Variants in DENND1A observed in about 807,000 individuals in gnomAD.
The protein encoded by DENND1A is DENN domain containing 1A.
A neutral mutation model predicts 113.7 loss-of-function variants in DENND1A; 51 were observed. The observed-to-expected ratio is 0.45, with a 90% CI of 0.36 to 0.57. The LOEUF is 0.57. Ranked by LOEUF, DENND1A falls within the 20% of genes least tolerant of loss-of-function variation. DENND1A has a pLI of 0.00. For synonymous variants in DENND1A, 565 were observed against 570.8 expected (o/e 0.99, Z 0.14); for missense variants, 1,258 against 1,395.9 (o/e 0.90, Z 1.57).
intron 21 of DENND1A, among the ~76,000 whole-genome samples, chr9:123,395,509 AGAGAGT>A (rs1198790107): frequency 4.1e-5 from 5 of 121,410 alleles, no homozygotes; most frequent in African/African-American, 1.2e-4. Flanking sequence ...AGAGAGAGAG[AGAGAGT>A]GAGAGTGAGA....
chr9:123,740,150 C>T lies in DENND1A; in HGVS notation c.302+17553G>A, dbSNP rs961127511. Among the ~76,000 whole-genome samples the T allele has an allele frequency of 3.3e-5, 5 of 152,216 alleles. No homozygotes were observed. In the East Asian group the frequency reaches 9.7e-4, roughly 29 times the overall value. ...TTACCTATGTAACAACCCTGCATGT[C>T]CTGTGCATATGCCCCTCTACGTAAA... is the stretch of plus-strand genomic sequence containing the variant. On this transcript the variant is annotated intron_variant, in intron 5 of 23. Coordinates refer to ENST00000394215, the MANE Select transcript of DENND1A (RefSeq NM_001352964.2).
chr9:123,765,723 T>C (rs1828690551), intron 4 of DENND1A, among the ~76,000 whole-genome samples: 1 of 152,150 alleles, frequency 6.6e-6, no homozygotes, highest in Non-Finnish European at 1.5e-5. Flanking sequence ...GTAGCAAACA[T>C]GATATGGAAT....
chr9:123,597,495 A>G (rs1564790408), intron 11 of DENND1A, among the ~76,000 whole-genome samples: 1 of 152,134 alleles, frequency 6.6e-6, no homozygotes, highest in Non-Finnish European at 1.5e-5. Context: ...ATCTAGGAAA[A>G]ATACTTGGAA....
chr9:123,827,437 C>T (rs977364756), intron 2 of DENND1A, among the ~76,000 whole-genome samples: 1 of 147,096 alleles, frequency 6.8e-6, no homozygotes, highest in Non-Finnish European at 1.5e-5. Flanking sequence ...AACACCTGAC[C>T]CTGGGAGGTC....
intron 13 of DENND1A, among the ~76,000 whole-genome samples, chr9:123,551,408 G>T (rs2057036732): frequency 6.6e-6 from 1 of 152,168 alleles, no homozygotes; most frequent in African/African-American, 2.4e-5. Flanking sequence ...CACGACCTGT[G>T]CCTGGTATTG....
chr9:123,911,766 C>A (rs1243382169), intron 1 of DENND1A, among the ~76,000 whole-genome samples: 1 of 151,734 alleles, frequency 6.6e-6, no homozygotes, highest in African/African-American at 2.4e-5. Context: ...TCTTGGCTCA[C>A]TGCAAGCTCC....
chr9:123,509,099 G>A (rs919706881), intron 13 of DENND1A, among the ~76,000 whole-genome samples: 2 of 152,156 alleles, frequency 1.3e-5, no homozygotes, highest in Non-Finnish European at 2.9e-5. Flanking sequence ...TATACTAGGG[G>A]CACTGTCTTA....
chr9:123,925,184 G>A (rs116532821), intron 1 of DENND1A, among the ~76,000 whole-genome samples: 195 of 152,070 alleles, frequency 1.3e-3, no homozygotes, highest in African/African-American at 4.4e-3. Flanking sequence ...CACAATTCCT[G>A]GCATTTAAGT....
chr9:123,785,337 C>T (rs953621922), intron 3 of DENND1A, among the ~76,000 whole-genome samples: 2 of 151,986 alleles, frequency 1.3e-5, no homozygotes, highest in Admixed American at 1.3e-4. Flanking sequence ...GGGTGACAGA[C>T]TGAGATGAGA....
chr9:123,861,664 G>T (rs893598576), intron 2 of DENND1A, among the ~76,000 whole-genome samples: 1 of 152,078 alleles, frequency 6.6e-6, no homozygotes, highest in African/African-American at 2.4e-5. Flanking sequence ...AACAATAGAA[G>T]AAAAATCTTA....
intron 5 of DENND1A, among the ~76,000 whole-genome samples, chr9:123,744,914 T>A (rs1391964933): frequency 1.3e-5 from 2 of 151,980 alleles, no homozygotes; most frequent in Non-Finnish European, 2.9e-5. Context: ...TAGCTGGGAT[T>A]ACAGGCGCAC....
At chr9:123,811,975 T>C (rs942321823) in intron 2 of DENND1A, among the ~76,000 whole-genome samples, 3 of 152,116 alleles carry the variant, frequency 2.0e-5, no homozygotes, top group Admixed American at 1.3e-4. Flanking sequence ...TATGTGAATA[T>C]CATAGAGTGT....
rs1005474518 is a variant in DENND1A, at chr9:123,764,198, A to C, written c.182+5316T>G. 1.3e-5 allele frequency among the ~76,000 whole-genome samples: 2 copies of C among 152,210 alleles called. No homozygotes were observed. Among genetic ancestry groups the C allele is most frequent in the African/African-American group, 4.8e-5 (2 of 41,458 alleles). On this transcript the variant is annotated intron_variant, in intron 4 of 23. Coordinates refer to ENST00000394215, the MANE Select transcript of DENND1A (RefSeq NM_001352964.2). The surrounding 1 kb of genome is among the most constrained non-coding windows in gnomAD (Gnocchi z 4.1). The stretch of plus-strand genomic sequence containing the variant: ...TGCAGAGTGGTTGCAGATTAGAGAT[A>C]ATGTATACAAGATAACTAGCATATA...
At chr9:123,686,292 C>G (rs1225406680) in intron 5 of DENND1A, among the ~76,000 whole-genome samples, 1 of 152,206 alleles carries the variant, frequency 6.6e-6, no homozygotes, top group Non-Finnish European at 1.5e-5. Context: ...GCTACTAAAA[C>G]CACAGATCAG....
intron 10 of DENND1A, among the ~76,000 whole-genome samples, chr9:123,616,607 C>G (rs1012458145): frequency 6.6e-6 from 1 of 152,192 alleles, no homozygotes; most frequent in Non-Finnish European, 1.5e-5. Context: ...GTTAGTGTTT[C>G]TATTTCATGC....
chr9:123,417,047 T>C (rs2044787693), intron 19 of DENND1A, among the ~76,000 whole-genome samples: 1 of 152,264 alleles, frequency 6.6e-6, no homozygotes, highest in African/African-American at 2.4e-5. Flanking sequence ...TTGACTTCAG[T>C]ATTGGTTCTG....
chr9:123,503,163 C>T (rs1016872367), intron 13 of DENND1A, among the ~76,000 whole-genome samples: 2 of 152,148 alleles, frequency 1.3e-5, no homozygotes, highest in East Asian at 1.9e-4. Flanking sequence ...TCTACAGAAG[C>T]GCAGTGTTAA....
intron 12 of DENND1A, among the ~76,000 whole-genome samples, chr9:123,566,914 C>A (rs1025199285): frequency 8.2e-5 from 3 of 36,598 alleles, no homozygotes; most frequent in African/African-American, 4.5e-4. Flanking sequence ...TTTAACACAC[C>A]ACACACACAC....
intron 2 of DENND1A, among the ~76,000 whole-genome samples, chr9:123,808,134 G>A (rs1042258261): frequency 2.6e-5 from 4 of 152,058 alleles, no homozygotes; most frequent in Non-Finnish European, 4.4e-5. Context: ...GCTGAGGCAG[G>A]AGAATTGCTT....
Sources: gnomAD v4.1 joint callset for allele counts (sites outside exome capture counted in the v4.1 genomes callset) on GRCh38, gnomAD v4.1.1 for gene constraint, Gnocchi (gnomAD v3.1) non-coding constraint, MANE v1.5 for transcripts, NCBI Gene and HGNC (gene_info 2026-07-23, HGNC 2026-07-21) for gene names.